The following KCNJ5 variants were observed in gnomAD, a reference collection of about 807,000 sequenced individuals.
KCNJ5 encodes potassium inwardly rectifying channel subfamily J member 5, also known as G protein-activated inward rectifier potassium channel 4.
KCNJ5 carries 12 observed loss-of-function variants against 20.2 expected under a neutral mutation model. That is an observed-to-expected ratio of 0.59 (90% CI 0.38 to 0.96). The LOEUF is 0.96. Among genes scored for constraint, KCNJ5 ranks in the 40% least tolerant of loss-of-function variants. The probability of loss-of-function intolerance (pLI) is 0.00; values close to 1 mark genes in which losing one functional copy is unlikely to be tolerated. For missense variants in KCNJ5, 449 were observed against 557.6 expected (o/e 0.81, Z 1.96); for synonymous variants, 210 against 213.9 (o/e 0.98, Z 0.16).
intron 1 of KCNJ5, among the ~76,000 whole-genome samples, chr11:128,898,385 C>T (rs545278052): frequency 6.6e-6 from 1 of 152,296 alleles, no homozygotes; most frequent in African/African-American, 2.4e-5. Context: ...CTAATTGTGT[C>T]GCCTTGGACA....
Position 128,916,608 on chromosome 11 carries a change from C to A in KCNJ5, c.1137C>A (p.Tyr379Ter), listed in dbSNP as rs781130958. ...EMKREGRLLQ[Y>*]LPSPPLLGGC... is the part of the protein sequence containing the mutation. Reference sequence around the variant, plus strand: ...AGAGGGAAGGCCGGCTCCTCCAGTACCTCCCCAGCCCCCCACTGCTGGGGG... The same window carrying A: ...AGAGGGAAGGCCGGCTCCTCCAGTAACTCCCCAGCCCCCCACTGCTGGGGG... The change falls in exon 3 of 3, where the codon TAC becomes TAA. Residue 379 changes from tyrosine (Y) to a stop codon, truncating the protein, a stop_gained. Coordinates refer to ENST00000529694, the MANE Select transcript of KCNJ5 (RefSeq NM_000890.5). LOFTEE classifies it low-confidence loss of function (END_TRUNC). 6.2e-7 allele frequency: 1 copy of A among 1,613,916 alleles called. No individual in the cohort carries two copies. The highest frequency in any genetic ancestry group is 8.5e-7 in the Non-Finnish European group (1 of 1,179,950).
At chr11:128,894,392 G>T (rs537683523) in intron 1 of KCNJ5, among the ~76,000 whole-genome samples, 1 of 152,100 alleles carries the variant, frequency 6.6e-6, no homozygotes, top group Non-Finnish European at 1.5e-5. Flanking sequence ...AGAAGGCAGG[G>T]GTCAGGGAAT....
In KCNJ5 at chr11:128,915,024, G is replaced by A. The variant is rs543736023; in HGVS notation, c.938-1385G>A. Among the ~76,000 whole-genome samples the A allele has an allele frequency of 2.6e-5, 4 of 152,366 alleles. No individual in the cohort carries two copies. In the South Asian group the frequency reaches 8.3e-4, roughly 32 times the overall value. On this transcript the variant is annotated intron_variant, in intron 2 of 2. Coordinates refer to ENST00000529694, the MANE Select transcript of KCNJ5 (RefSeq NM_000890.5). ...GAGAGCAGGCTGTGGGCGCACCTGTGTGGGTGCGCTGGGGCTGAGAAGCAG... is the reference window on the plus strand; with the variant it reads ...GAGAGCAGGCTGTGGGCGCACCTGTATGGGTGCGCTGGGGCTGAGAAGCAG...
At chr11:128,900,924 C>T (rs901458447) in intron 1 of KCNJ5, 1 of 152,194 alleles carries the variant, frequency 6.6e-6, no homozygotes, top group African/African-American at 2.4e-5. Flanking sequence ...TAACCTATAC[C>T]AATCCAATCC....
At chr11:128,909,815 G>A (rs947680791) in intron 1 of KCNJ5, 1 of 152,222 alleles carries the variant, frequency 6.6e-6, no homozygotes, top group African/African-American at 2.4e-5. Context: ...GAGGAAGAAG[G>A]GTTGAAAGAT....
chr11:128,912,272 TG>T, intron 2 of KCNJ5, 62 bp downstream of exon 2: 1 of 1,294,928 alleles, frequency 7.7e-7, no homozygotes. Flanking sequence ...CTTAGGCAAC[TG>T]TGACTCCAGA....
rs61176061 is a variant in KCNJ5 at position 128,916,244 on chromosome 11, AGATG to A, written c.938-132_938-129del. ...TGGATGGTTGGATGGATAGATGATT[AGATG>A]GATGGATGGATGGATGGATGGATGG... On this transcript the variant is annotated intron_variant, in intron 2 of 2. Transcript: ENST00000529694. Among the ~76,000 whole-genome samples, 154 of 129,290 alleles carry A rather than the reference AGATG, an allele frequency of 1.2e-3. 1 individual carries two copies. The highest frequency in any genetic ancestry group is 3.3e-3 in the African/African-American group (109 of 33,084). The allele number at this position is 129,290 out of a possible 152,430, so 84.8% of individuals were successfully genotyped here. A position where few individuals can be genotyped will look rare whatever the true frequency, so the allele number is the denominator to read the frequency against.
chr11:128,893,703 G>A (rs1221531424), intron 1 of KCNJ5, among the ~76,000 whole-genome samples: 3 of 152,144 alleles, frequency 2.0e-5, no homozygotes, highest in Non-Finnish European at 4.4e-5. Context: ...AGGGTGAGGG[G>A]GGGGGTCAAA....
chr11:128,902,748 T>C (rs753420868), intron 1 of KCNJ5: 1 of 1,567,934 alleles, frequency 6.4e-7, no homozygotes, highest in Non-Finnish European at 8.7e-7. Flanking sequence ...TGAGAGGAAT[T>C]CAGTGGCACT....
intron 2 of KCNJ5, among the ~76,000 whole-genome samples, chr11:128,913,416 T>C (rs1176100321): frequency 6.6e-6 from 1 of 152,152 alleles, no homozygotes; most frequent in East Asian, 1.9e-4. Flanking sequence ...CCCCAGTTCC[T>C]CAGCCACTCA....
At chr11:128,915,219 T>G (rs1944559575) in intron 2 of KCNJ5, among the ~76,000 whole-genome samples, 2 of 152,154 alleles carry the variant, frequency 1.3e-5, no homozygotes, top group Non-Finnish European at 2.9e-5. Context: ...GGCCTCCTCA[T>G]CCATAAACAA....
In KCNJ5 at chr11:128,905,208, C is replaced by T. The variant is rs536785288; in HGVS notation, c.-10-6056C>T. Among the ~76,000 whole-genome samples, 234 of 152,276 alleles carry T rather than the reference C, an allele frequency of 1.5e-3. 1 individual carries two copies. Among genetic ancestry groups the T allele is most frequent in the Non-Finnish European group, 2.7e-3 (183 of 67,990 alleles). On this transcript the variant is annotated intron_variant, in intron 1 of 2. Transcript: ENST00000529694. ...GCACTGCCAACGGCCTCCCCACGCCCGTTCCCTGGGGACAGGGCCTCTGTC... is the reference window on the plus strand; with the variant it reads ...GCACTGCCAACGGCCTCCCCACGCCTGTTCCCTGGGGACAGGGCCTCTGTC...
Position 128,917,271 on chromosome 11 carries a change from A to C in KCNJ5, c.*540A>C, listed in dbSNP as rs1322433337. ...TTAAATCAGATACCAACGACCCATT[A>C]CTGAGAGGTACAGAGCGTACAGCCC... On this transcript the variant is annotated 3_prime_UTR_variant, in exon 3 of 3. Transcript: ENST00000529694. The C allele has an allele frequency of 6.5e-6, 1 of 154,594 alleles. No homozygotes were observed. Among genetic ancestry groups the C allele is most frequent in the Non-Finnish European group, 1.4e-5 (1 of 69,800 alleles). 9.6% of individuals were successfully genotyped at this position (154,594 alleles called of 1,614,324 possible).
rs568811194 is a variant in KCNJ5, at chr11:128,905,391, T to G, written c.-10-5873T>G. The stretch of plus-strand genomic sequence containing the variant: ...ACTGGGGGCTTCGTCCCCTGCGGGG[T>G]GAGGGGTCTCCCCTGTGTCACCCTC... On this transcript the variant is annotated intron_variant, in intron 1 of 2. Coordinates refer to ENST00000529694, the MANE Select transcript of KCNJ5 (RefSeq NM_000890.5). Among the ~76,000 whole-genome samples, 65 of 152,148 alleles carry G rather than the reference T, an allele frequency of 4.3e-4. No individual in the cohort carries two copies. The South Asian group carries it at 0.013, about 31-fold the overall frequency.
In KCNJ5 at chr11:128,917,509, G is replaced by T. The variant is rs1471834395; in HGVS notation, c.*778G>T. On this transcript the variant is annotated 3_prime_UTR_variant, in exon 3 of 3. Coordinates refer to ENST00000529694, the MANE Select transcript of KCNJ5 (RefSeq NM_000890.5). ...CTGTGCCCTGCACCTCCCACCAAGG[G>T]GGAACCCCAGCAGCTGGGGCTTTTC... 1 of 152,492 alleles carries T rather than the reference G, an allele frequency of 6.6e-6. No individual in the cohort carries two copies. The highest frequency in any genetic ancestry group is 1.9e-4 in the East Asian group (1 of 5,206). 9.4% of individuals were successfully genotyped at this position (152,492 alleles called of 1,614,324 possible).
In KCNJ5 at chr11:128,916,480, C is replaced by T. The variant is rs776492860; in HGVS notation, c.1009C>T (p.Leu337Phe). Residue 337 changes from leucine to phenylalanine, a missense_variant, in exon 3 of 3, where the codon CTC becomes TTC. Physicochemically the swap from Leu to Phe is conservative, Grantham distance 22 (BLOSUM62 0). Coordinates refer to ENST00000529694, the MANE Select transcript of KCNJ5 (RefSeq NM_000890.5). Reference sequence around the variant, plus strand: ...CTGGGGCCACCGATTCACACCAGTCCTCACCTTGGAAAAGGGCTTCTATGA... The same window carrying T: ...CTGGGGCCACCGATTCACACCAGTCTTCACCTTGGAAAAGGGCTTCTATGA... ...VLWGHRFTPV[L>F]TLEKGFYEVD... The T allele has an allele frequency of 1.2e-6, 2 of 1,614,084 alleles. No homozygotes were observed. The highest frequency in any genetic ancestry group is 1.7e-5 in the Admixed American group (1 of 60,006).
At chr11:128,893,279 G>T (rs991231636) in intron 1 of KCNJ5, among the ~76,000 whole-genome samples, 2 of 152,124 alleles carry the variant, frequency 1.3e-5, no homozygotes, top group Non-Finnish European at 2.9e-5. Flanking sequence ...GGGGCACAGC[G>T]TATGTGCTTC....
intron 1 of KCNJ5, chr11:128,904,315 C>A: frequency 6.9e-7 from 1 of 1,458,152 alleles, no homozygotes; most frequent in Non-Finnish European, 9.3e-7. Context: ...TTCAGGACTG[C>A]ACCCTGGCCT....
In KCNJ5 at chr11:128,911,287, C is replaced by T; in HGVS notation, c.14C>T (p.Ser5Phe). Reference sequence around the variant, plus strand: ...AGCATCCCAGCTATGGCTGGCGATTCTAGGAATGCCATGAACCAGGACATG... The same window carrying T: ...AGCATCCCAGCTATGGCTGGCGATTTTAGGAATGCCATGAACCAGGACATG... MAGD[S>F]RNAMNQDMEI... Residue 5 changes from serine (S) to phenylalanine (F), a missense_variant, in exon 2 of 3, where the codon TCT becomes TTT. By Grantham distance (155) the Ser-to-Phe change is radical. This residue lies in a region of KCNJ5 where 203 missense variants were observed against 258.0 expected (regional missense o/e 0.79). Coordinates refer to ENST00000529694, the MANE Select transcript of KCNJ5 (RefSeq NM_000890.5). The surrounding 1 kb of genome is among the most constrained non-coding windows in gnomAD (Gnocchi z 6.3). 1 of 1,613,974 alleles carries T rather than the reference C, an allele frequency of 6.2e-7. No homozygotes were observed. The highest frequency in any genetic ancestry group is 1.1e-5 in the South Asian group (1 of 91,076).
Sources: gnomAD v4.1 joint callset for allele counts (sites outside exome capture counted in the v4.1 genomes callset) on GRCh38, gnomAD v4.1.1 for gene constraint, gnomAD v4.1.1 regional missense constraint, Gnocchi (gnomAD v3.1) non-coding constraint, MANE v1.5 for transcripts, NCBI Gene and HGNC (gene_info 2026-07-23, HGNC 2026-07-21) for gene names.